CFAP70: variants seen among roughly 807,000 people sequenced by gnomAD.
CFAP70 encodes the protein cilia- and flagella-associated protein 70.
Under a neutral mutation model 137.6 loss-of-function variants are expected in CFAP70, and 81 were observed. That is an observed-to-expected ratio of 0.59 (90% confidence interval 0.49 to 0.71). The LOEUF is 0.71. Ranked by LOEUF, CFAP70 falls within the 30% of genes least tolerant of loss-of-function variation. CFAP70 has a pLI of 0.00. For missense variants in CFAP70, 976 were observed against 1,226.7 expected, an observed-to-expected ratio of 0.80 and a Z score of 3.05; for synonymous variants, 382 against 423.6, an observed-to-expected ratio of 0.90 and a Z score of 1.20.
At chr10:73,333,800 T>G (rs2052356225) in intron 7 of CFAP70, among the ~76,000 whole-genome samples, 1 of 152,168 alleles carries the variant, frequency 6.6e-6, no homozygotes, top group Non-Finnish European at 1.5e-5. Context: ...AAAACTTGTA[T>G]CAACATAAGA....
chr10:73,334,771 G>A (rs1014093516), intron 7 of CFAP70, among the ~76,000 whole-genome samples: 1 of 151,738 alleles, frequency 6.6e-6, no homozygotes, highest in Non-Finnish European at 1.5e-5. Flanking sequence ...GTAGAGACGG[G>A]GTTTCACCAT....
intron 19 of CFAP70, among the ~76,000 whole-genome samples, chr10:73,285,639 T>C (rs554882656): frequency 3.1e-4 from 47 of 150,132 alleles, no homozygotes; most frequent in Non-Finnish European, 6.2e-4. Flanking sequence ...TATTTTCTTT[T>C]TTTTTTTTTT....
At chr10:73,299,406 G>A (rs1033739983) in intron 13 of CFAP70, among the ~76,000 whole-genome samples, 199 bp downstream of exon 14, 23 of 152,054 alleles carry the variant, frequency 1.5e-4, no homozygotes, top group African/African-American at 5.6e-4. Flanking sequence ...TTTCTTCCCA[G>A]CTGAGAGACC....
intron 8 of CFAP70, among the ~76,000 whole-genome samples, chr10:73,323,338 G>GGGC (rs2051062335): frequency 1.6e-5 from 2 of 127,174 alleles, no homozygotes; most frequent in African/African-American, 5.7e-5. Flanking sequence ...GGGCGGGGGG[G>GGGC]GGGCAGCCAA....
intron 4 of CFAP70, among the ~76,000 whole-genome samples, chr10:73,346,425 C>T (rs1204094100): frequency 6.6e-6 from 1 of 151,640 alleles, no homozygotes; most frequent in Non-Finnish European, 1.5e-5. Flanking sequence ...TACCTGAGGT[C>T]AGGAGTTTGA....
chr10:73,358,697 A>G (rs2054867986), intron 1 of CFAP70, 81 bp downstream of exon 1: 1 of 152,518 alleles, frequency 6.6e-6, no homozygotes, highest in South Asian at 2.1e-4. Flanking sequence ...TTTCTTCAGG[A>G]GGGATCACTG....
chr10:73,348,160 G>A (rs1564884169), intron 4 of CFAP70: 1 of 1,613,922 alleles, frequency 6.2e-7, no homozygotes, highest in South Asian at 1.1e-5. Context: ...GATTACCTTA[G>A]CACTTGATCT....
chr10:73,328,675 CGAAGGACAT>C (rs1303409506), intron 8 of CFAP70, among the ~76,000 whole-genome samples: 11 of 142,530 alleles, frequency 7.7e-5, no homozygotes, highest in Non-Finnish European at 1.7e-4. Context: ...AAAAAGTGGG[CGAAGGACAT>C]GAACAGACAC....
chr10:73,283,249 T>C (rs555671869), intron 19 of CFAP70, among the ~76,000 whole-genome samples: 1 of 152,250 alleles, frequency 6.6e-6, no homozygotes, highest in Non-Finnish European at 1.5e-5. Context: ...GTCAGTTTTA[T>C]TGCCTAGGAT....
intron 9 of CFAP70, among the ~76,000 whole-genome samples, chr10:73,315,837 T>C (rs1202484024): frequency 6.6e-6 from 1 of 152,210 alleles, no homozygotes; most frequent in Non-Finnish European, 1.5e-5. Context: ...AGTCCTGGGA[T>C]TACAGGCTTG....
upstream of CFAP70, among the ~76,000 whole-genome samples, chr10:73,361,729 G>C (rs182433571): frequency 7.9e-5 from 12 of 152,154 alleles, no homozygotes; most frequent in Non-Finnish European, 1.6e-4. Flanking sequence ...CAAAAGACTT[G>C]TTTCTAATTA....
intron 16 of CFAP70, 114 bp downstream of exon 17, chr10:73,293,149 G>T: frequency 8.4e-7 from 1 of 1,187,732 alleles, no homozygotes; most frequent in Non-Finnish European, 1.1e-6. Flanking sequence ...GGACTTTATT[G>T]TTCTATGTGT....
chr10:73,304,591 G>C (rs2049224543), intron 12 of CFAP70, among the ~76,000 whole-genome samples: 1 of 152,020 alleles, frequency 6.6e-6, no homozygotes, highest in Non-Finnish European at 1.5e-5. Flanking sequence ...AAATAAAAAA[G>C]TATTGTGTTG....
At chr10:73,351,043 ATATGTG>A (rs1258470994) in intron 3 of CFAP70, among the ~76,000 whole-genome samples, 1 of 92,078 alleles carries the variant, frequency 1.1e-5, no homozygotes, top group Non-Finnish European at 2.1e-5. Flanking sequence ...ATGTGTGTAT[ATATGTG>A]TGTGTGTGTG....
intron 14 of CFAP70, among the ~76,000 whole-genome samples, chr10:73,297,529 A>G (rs552768444): frequency 6.6e-6 from 1 of 152,332 alleles, no homozygotes; most frequent in Admixed American, 6.5e-5. Flanking sequence ...CTGAGAATCC[A>G]GAGAATGGAA....
At chr10:73,301,317 A>G (rs2048938749) in intron 12 of CFAP70, among the ~76,000 whole-genome samples, 1 of 152,172 alleles carries the variant, frequency 6.6e-6, no homozygotes, top group African/African-American at 2.4e-5. Flanking sequence ...TGCTGTCTTC[A>G]TGATAGTGAG....
intron 25 of CFAP70, among the ~76,000 whole-genome samples, chr10:73,265,320 CAAAAA>C (rs796977521): frequency 1.2e-5 from 1 of 85,914 alleles, no homozygotes; most frequent in African/African-American, 4.0e-5. Flanking sequence ...GACTCCATCT[CAAAAA>C]AAAAAAAAAA....
chr10:73,284,177 G>A lies in CFAP70; in HGVS notation c.2240-5840C>T, dbSNP rs7917475. 2.1e-3 allele frequency among the ~76,000 whole-genome samples: 313 copies of A among 152,300 alleles called. 2 individuals are homozygous for A. Among genetic ancestry groups the A allele is most frequent in the African/African-American group, 7.0e-3 (293 of 41,566 alleles). ...TATTTCCTTGCCTTTTCAGCTTGTGGAGGCTACCTATATACCTTGGTTTGT... is the reference window on the plus strand; with the variant it reads ...TATTTCCTTGCCTTTTCAGCTTGTGAAGGCTACCTATATACCTTGGTTTGT... On this transcript the variant is annotated intron_variant, in intron 19 of 26. Transcript: ENST00000310715.
At position 73,331,168 on chromosome 10, in the gene CFAP70, C is replaced by A; in HGVS notation, c.777+9G>T. 2 of 1,581,286 alleles carry A rather than the reference C, an allele frequency of 1.3e-6. No individual in the cohort carries two copies. The highest frequency in any genetic ancestry group is 1.7e-4 in the Middle Eastern group (1 of 5,990). On this transcript the variant is annotated intron_variant, in intron 8 of 26. Coordinates refer to ENST00000310715, the Ensembl canonical transcript of CFAP70. ...TCTTATATAAATATTTTTGAGGGGGCATATTTACCTTTTCAGTTTTGCCAG... is the reference window on the plus strand; with the variant it reads ...TCTTATATAAATATTTTTGAGGGGGAATATTTACCTTTTCAGTTTTGCCAG...
Sources: allele counts gnomAD v4.1 joint callset (sites outside exome capture counted in the v4.1 genomes callset), GRCh38; gene constraint gnomAD v4.1.1; transcripts MANE v1.5; gene names NCBI Gene and HGNC (gene_info 2026-07-23, HGNC 2026-07-21).